The following PCGF5 variants were observed in gnomAD, a reference collection of about 807,000 sequenced individuals.
PCGF5 encodes the protein polycomb group ring finger 5, also known as polycomb group RING finger protein 5.
In PCGF5, 9 loss-of-function variants were observed where a neutral mutation model predicts 44.3. The observed-to-expected ratio is 0.20, with a 90% CI of 0.12 to 0.35. PCGF5 has a LOEUF of 0.35. Among genes scored for constraint, PCGF5 ranks in the 10% least tolerant of loss-of-function variants. The pLI is 1.00. For missense variants in PCGF5, 146 were observed against 305.3 expected, an observed-to-expected ratio of 0.48 and a Z score of 3.89; for synonymous variants, 95 against 102.5, an observed-to-expected ratio of 0.93 and a Z score of 0.44.
chr10:91,253,557 G>A (rs536214281), intron 6 of PCGF5, among the ~76,000 whole-genome samples: 112 of 152,140 alleles, frequency 7.4e-4, no homozygotes, highest in Middle Eastern at 3.4e-3. Flanking sequence ...TGCAGTTTTA[G>A]TTATGACTGC....
intron 6 of PCGF5, among the ~76,000 whole-genome samples, chr10:91,252,828 A>G (rs958041063): frequency 1.3e-5 from 2 of 152,082 alleles, no homozygotes; most frequent in African/African-American, 4.8e-5. Flanking sequence ...ATGATTTCTC[A>G]TATGAAAGTA....
intron 1 of PCGF5, among the ~76,000 whole-genome samples, chr10:91,214,408 C>T (rs1844505845): frequency 6.6e-6 from 1 of 151,496 alleles, no homozygotes; most frequent in Admixed American, 6.6e-5. Context: ...AGCAGCAGCA[C>T]AATTGTATGT....
At chr10:91,245,162 A>G (rs1320941021) in intron 3 of PCGF5, among the ~76,000 whole-genome samples, 1 of 152,162 alleles carries the variant, frequency 6.6e-6, no homozygotes, top group African/African-American at 2.4e-5. Context: ...AGAAGGCACA[A>G]CCAGTGAGGT....
chr10:91,202,421 A>C (rs1028030339), intron 1 of PCGF5, among the ~76,000 whole-genome samples: 1 of 152,350 alleles, frequency 6.6e-6, no homozygotes, highest in African/African-American at 2.4e-5. Context: ...CCTGTGATTC[A>C]GTTTATTCTT....
intron 2 of PCGF5, among the ~76,000 whole-genome samples, chr10:91,224,282 C>A (rs1400300113): frequency 2.0e-5 from 3 of 152,146 alleles, no homozygotes; most frequent in Admixed American, 2.0e-4. Flanking sequence ...ACATCTTATT[C>A]AATTAGCAAT....
intron 3 of PCGF5, among the ~76,000 whole-genome samples, chr10:91,241,524 C>A (rs1845326995): frequency 6.6e-6 from 1 of 152,132 alleles, no homozygotes; most frequent in African/African-American, 2.4e-5. Context: ...ATGTCCTCAC[C>A]ACTAGACCCA....
chr10:91,199,324 G>T (rs1266668188), intron 1 of PCGF5, among the ~76,000 whole-genome samples: 2 of 152,220 alleles, frequency 1.3e-5, no homozygotes, highest in East Asian at 1.9e-4. Context: ...AGCAAGGGGG[G>T]CAGAAAAGGA....
At position 91,279,254 on chromosome 10, in the gene PCGF5, G is replaced by A. The variant is rs774501864; in HGVS notation, c.*938G>A. 9.2e-5 allele frequency: 14 copies of A among 152,116 alleles called. No homozygotes were observed. Among genetic ancestry groups the A allele is most frequent in the South Asian group, 4.1e-4 (2 of 4,820 alleles). The allele number at this position is 152,116 out of a possible 1,614,324, so 9.4% of individuals were successfully genotyped here. On this transcript the variant is annotated 3_prime_UTR_variant, in exon 10 of 10. Transcript: ENST00000336126. ...ATTGTGGCATGCAGAGGGTTATGACGATTTTAAATATTAGGATTTTTAGAG... is the reference window on the plus strand; with the variant it reads ...ATTGTGGCATGCAGAGGGTTATGACAATTTTAAATATTAGGATTTTTAGAG...
Position 91,235,511 on chromosome 10 carries a change from C to G in PCGF5, c.113-4973C>G, listed in dbSNP as rs140172345. ...TTTAATGTGGGAGTTTGAGACCAGC[C>G]TGGGCAATATGGGAAGATCCTGTCT... On this transcript the variant is annotated intron_variant, in intron 2 of 9. Coordinates refer to ENST00000336126, the MANE Select transcript of PCGF5 (RefSeq NM_032373.5). Among the ~76,000 whole-genome samples, 617 of 151,402 alleles carry G rather than the reference C, an allele frequency of 4.1e-3. 5 individuals carry two copies. The highest frequency in any genetic ancestry group is 0.014 in the African/African-American group (598 of 41,274).
In PCGF5 at chr10:91,251,447, G is replaced by T. The variant is rs1176904324; in HGVS notation, c.474+7G>T. ...AGGGGACAATGTAGTAAAGGTGAGT[G>T]AACAAGTACTATGGTATTTTTATGA... On this transcript the variant is annotated splice_region_variant and intron_variant, in intron 6 of 9. Transcript: ENST00000336126. The T allele has an allele frequency of 6.2e-7, 1 of 1,608,230 alleles. No homozygotes were observed. Among genetic ancestry groups the T allele is most frequent in the East Asian group, 2.2e-5 (1 of 44,632 alleles).
Position 91,278,436 on chromosome 10 carries a change from AG to A in PCGF5, c.*122del. ...CAACCAGATTTTCAGCATGCAAATA[AG>A]GCCATTGTCTATCTCTAAATTGTCA... On this transcript the variant is annotated 3_prime_UTR_variant, in exon 10 of 10. Transcript: ENST00000336126. 1.2e-6 allele frequency: 1 copy of A among 869,408 alleles called. No individual in the cohort carries two copies. Among genetic ancestry groups the A allele is most frequent in the Non-Finnish European group, 1.9e-6 (1 of 525,534 alleles). The allele number at this position is 869,408 out of a possible 1,614,324, so 53.9% of individuals were successfully genotyped here.
intron 8 of PCGF5, among the ~76,000 whole-genome samples, chr10:91,264,934 A>G (rs1189967974): frequency 6.6e-6 from 1 of 152,156 alleles, no homozygotes; most frequent in Non-Finnish European, 1.5e-5. Context: ...CATAGGGTAG[A>G]ATCTAAATAA....
At chr10:91,216,370 A>C (rs887013992), upstream of PCGF5, among the ~76,000 whole-genome samples, 1 of 152,110 alleles carries the variant, frequency 6.6e-6, no homozygotes, top group Non-Finnish European at 1.5e-5. Flanking sequence ...TTGGAAGAAG[A>C]CCTATCTATC....
intron 6 of PCGF5, among the ~76,000 whole-genome samples, chr10:91,258,169 T>G (rs1564652869): frequency 6.6e-6 from 1 of 152,024 alleles, no homozygotes; most frequent in African/African-American, 2.4e-5. Context: ...GTGAATAGAT[T>G]TGGGTTACTT....
chr10:91,261,005 T>A (rs542686865), intron 6 of PCGF5, among the ~76,000 whole-genome samples: 44 of 151,104 alleles, frequency 2.9e-4, no homozygotes, highest in Admixed American at 6.6e-4. Context: ...ATATATATAT[T>A]TTTATGCTTT....
chr10:91,267,386 T>C (rs1846072578), intron 8 of PCGF5, among the ~76,000 whole-genome samples: 1 of 152,210 alleles, frequency 6.6e-6, no homozygotes, highest in African/African-American at 2.4e-5. Context: ...TATTTATGTT[T>C]ATTGTTTGTC....
In PCGF5 at chr10:91,260,954, C is replaced by CATA. The variant is rs375770054; in HGVS notation, c.475-352_475-350dup. ...TGCACATGTACCCTAAAACTTAAAG[C>CATA]ATAATAATAATAATAATAATAAAAG... is the stretch of plus-strand genomic sequence containing the variant. On this transcript the variant is annotated intron_variant, in intron 6 of 9. Coordinates refer to ENST00000336126, the MANE Select transcript of PCGF5 (RefSeq NM_032373.5). Among the ~76,000 whole-genome samples, 42 of 149,852 alleles carry CATA rather than the reference C, an allele frequency of 2.8e-4. 1 individual carries two copies. The Middle Eastern group carries it at 0.01, about 37-fold the overall frequency.
At chr10:91,181,446 G>GA (rs2133192601) in intron 1 of PCGF5, among the ~76,000 whole-genome samples, 1 of 152,336 alleles carries the variant, frequency 6.6e-6, no homozygotes, top group Admixed American at 6.5e-5. Context: ...TTTTCAAGGG[G>GA]AATGCTTCCA....
chr10:91,271,429 A>G (rs772401388), intron 8 of PCGF5, among the ~76,000 whole-genome samples: 1 of 152,320 alleles, frequency 6.6e-6, no homozygotes. Context: ...ACTCATCTAG[A>G]TGCTAAAATT....
Sources: allele counts gnomAD v4.1 joint callset (sites outside exome capture counted in the v4.1 genomes callset), GRCh38; gene constraint gnomAD v4.1.1; transcripts MANE v1.5; gene names NCBI Gene and HGNC (gene_info 2026-07-23, HGNC 2026-07-21).